Variants in PRKCA observed in about 807,000 individuals in gnomAD.
PRKCA encodes the protein protein kinase C alpha type.
PRKCA carries 27 observed loss-of-function variants against 87.0 expected under a neutral mutation model. The observed-to-expected ratio is 0.31, with a 90% CI of 0.23 to 0.43. The LOEUF (loss-of-function observed/expected upper bound fraction) is 0.43, where lower values mean the gene tolerates loss of function less well. PRKCA is among the 20% of genes least tolerant of loss of function. The probability of loss-of-function intolerance (pLI) is 1.00; values close to 1 mark genes in which losing one functional copy is unlikely to be tolerated. For synonymous variants in PRKCA, 329 were observed against 311.1 expected, an observed-to-expected ratio of 1.06 and a Z score of -0.61; for missense variants, 518 against 852.3, an observed-to-expected ratio of 0.61 and a Z score of 4.88.
At chr17:66,768,630 AC>A (rs1022239242) in intron 13 of PRKCA, among the ~76,000 whole-genome samples, 2 of 152,342 alleles carry the variant, frequency 1.3e-5, no homozygotes, top group African/African-American at 4.8e-5. Flanking sequence ...AGCATGTCTT[AC>A]CATGGCGGAG....
intron 2 of PRKCA, among the ~76,000 whole-genome samples, chr17:66,449,533 A>G (rs1412685221): frequency 6.6e-6 from 1 of 152,134 alleles, no homozygotes; most frequent in Non-Finnish European, 1.5e-5. Flanking sequence ...TCCTCTCCCC[A>G]GATAGCTCAT....
chr17:66,701,361 TGGG>T, intron 8 of PRKCA, among the ~76,000 whole-genome samples: 1 of 152,048 alleles, frequency 6.6e-6, no homozygotes, highest in African/African-American at 2.4e-5. Context: ...AAAACATACT[TGGG>T]GGGAAAGCTT....
rs142713274 is a variant in PRKCA, at chr17:66,541,941, G to A, written c.288+45658G>A. On this transcript the variant is annotated intron_variant, in intron 3 of 16. Transcript: ENST00000413366. Reference sequence around the variant, plus strand: ...TGAGCCCCACAGTAAATTTTTGGCTGACCACATTTGTTCTATGTAAGGCTG... The same window carrying A: ...TGAGCCCCACAGTAAATTTTTGGCTAACCACATTTGTTCTATGTAAGGCTG... Among the ~76,000 whole-genome samples the A allele has an allele frequency of 6.6e-3, 1,003 of 152,282 alleles. 15 individuals are homozygous for A. Among genetic ancestry groups the A allele is most frequent in the African/African-American group, 0.021 (858 of 41,566 alleles).
intron 2 of PRKCA, among the ~76,000 whole-genome samples, chr17:66,352,558 G>GTTTTTTTTTTTTTTTTTTTT (rs56317931): frequency 2.4e-5 from 2 of 83,758 alleles, no homozygotes; most frequent in African/African-American, 4.6e-5. Context: ...GTTTTTTGAG[G>GTTTTTTTTTTTTTTTTTTTT]TTTTTTTTTT....
chr17:66,616,382 C>T (rs1435513584), intron 3 of PRKCA, among the ~76,000 whole-genome samples: 2 of 152,186 alleles, frequency 1.3e-5, no homozygotes, highest in African/African-American at 4.8e-5. Context: ...TCTTTGAGCT[C>T]ATCTTTCCTC....
At position 66,494,822 on chromosome 17, in the gene PRKCA, A is replaced by T. The variant is rs4791058; in HGVS notation, c.206-1379A>T. Among the ~76,000 whole-genome samples, 7 of 152,044 alleles carry T rather than the reference A, an allele frequency of 4.6e-5. No individual in the cohort carries two copies. The East Asian group carries it at 7.7e-4, about 17-fold the overall frequency. On this transcript the variant is annotated intron_variant, in intron 2 of 16. Transcript: ENST00000413366. ...CCATCAATACAAACCTTTCAGGGGGACATGTGCAGTAGCTCAACGCCTACA... is the reference window on the plus strand; with the variant it reads ...CCATCAATACAAACCTTTCAGGGGGTCATGTGCAGTAGCTCAACGCCTACA...
At chr17:66,755,305 T>G (rs1244703797) in intron 13 of PRKCA, among the ~76,000 whole-genome samples, 1 of 152,146 alleles carries the variant, frequency 6.6e-6, no homozygotes, top group Admixed American at 6.5e-5. Flanking sequence ...GAGAACACCT[T>G]TCTGCCAGAT....
intron 2 of PRKCA, among the ~76,000 whole-genome samples, chr17:66,457,302 G>T (rs1348755353): frequency 6.6e-6 from 1 of 152,114 alleles, no homozygotes; most frequent in African/African-American, 2.4e-5. Flanking sequence ...CTTGGCATTT[G>T]GGGTGAAGAG....
rs1229084236 is a variant in PRKCA, at chr17:66,377,721, A to ATTTT, written c.205+71612_205+71615dup. ...ATGTTTTATATATATATATATATAT[A>ATTTT]TTTTTTTTTTTTTTTTTTTTTGAGG... On this transcript the variant is annotated intron_variant, in intron 2 of 16. Transcript: ENST00000413366. Among the ~76,000 whole-genome samples, 284 of 69,140 alleles carry ATTTT rather than the reference A, an allele frequency of 4.1e-3. 24 individuals carry two copies. Among genetic ancestry groups the ATTTT allele is most frequent in the East Asian group, 0.015 (30 of 2,068 alleles). 45.4% of individuals were successfully genotyped at this position (69,140 alleles called of 152,430 possible).
rs1971970749 is a variant in PRKCA at position 66,663,820 on chromosome 17, T to G, written c.529+18309T>G. On this transcript the variant is annotated intron_variant, in intron 5 of 16. Coordinates refer to ENST00000413366, the MANE Select transcript of PRKCA (RefSeq NM_002737.3). ...ACTGATCACTGTGTTGTGGTAGCTC[T>G]TTCTCTTTGGAGTGTTTTTTGTTGT... Among the ~76,000 whole-genome samples, 5 of 152,096 alleles carry G rather than the reference T, an allele frequency of 3.3e-5. No homozygotes were observed. In the South Asian group the frequency reaches 1.0e-3, roughly 32 times the overall value.
chr17:66,690,852 A>T (rs937272444), intron 8 of PRKCA, among the ~76,000 whole-genome samples: 3 of 132,492 alleles, frequency 2.3e-5, no homozygotes, highest in Non-Finnish European at 4.9e-5. Context: ...AAAAAAAAAA[A>T]TTTAGAGCTG....
intron 2 of PRKCA, among the ~76,000 whole-genome samples, chr17:66,353,111 A>G (rs375562092): frequency 2.0e-5 from 3 of 152,218 alleles, no homozygotes; most frequent in East Asian, 3.9e-4. Context: ...GAGATCTACT[A>G]CACAGCTGGG....
intron 2 of PRKCA, among the ~76,000 whole-genome samples, chr17:66,490,345 C>CTT (rs566074276): frequency 1.4e-4 from 19 of 140,296 alleles, no homozygotes; most frequent in East Asian, 1.0e-3. Context: ...TTCCAGAACT[C>CTT]TTTTTTTTTT....
chr17:66,463,652 C>T (rs1253710457), intron 2 of PRKCA, among the ~76,000 whole-genome samples: 3 of 152,182 alleles, frequency 2.0e-5, no homozygotes, highest in Non-Finnish European at 4.4e-5. Flanking sequence ...GCCTTGGCCT[C>T]CCAAAGTGCT....
intron 3 of PRKCA, among the ~76,000 whole-genome samples, chr17:66,566,976 G>GATA (rs1968924504): frequency 6.6e-6 from 1 of 152,156 alleles, no homozygotes; most frequent in Non-Finnish European, 1.5e-5. Context: ...TTATCCCATA[G>GATA]ATAACTAAAC....
intron 5 of PRKCA, among the ~76,000 whole-genome samples, chr17:66,673,899 C>A (rs541317350): frequency 5.9e-5 from 9 of 152,334 alleles, no homozygotes; most frequent in African/African-American, 2.2e-4. Context: ...ATTCTTTCTT[C>A]AAAGCATTTA....
At chr17:66,306,907 A>G (rs1456398757) in intron 2 of PRKCA, among the ~76,000 whole-genome samples, 1 of 152,010 alleles carries the variant, frequency 6.6e-6, no homozygotes, top group Non-Finnish European at 1.5e-5. Context: ...TATTGTGTTT[A>G]TTTAGTTCTG....
chr17:66,556,516 G>A (rs898084223), intron 3 of PRKCA, among the ~76,000 whole-genome samples: 3 of 152,040 alleles, frequency 2.0e-5, no homozygotes, highest in African/African-American at 7.2e-5. Flanking sequence ...TTCATGAGAT[G>A]TTTGAAAGGC....
chr17:66,792,669 T>C lies in PRKCA; in HGVS notation c.1854+3690T>C, dbSNP rs961875775. ...TCACGGCGACATTAAGATCAAGATC[T>C]GCAGTACAGCTGTGGGCTGGATTCT... On this transcript the variant is annotated intron_variant, in intron 16 of 16. Coordinates refer to ENST00000413366, the MANE Select transcript of PRKCA (RefSeq NM_002737.3). The surrounding 1 kb of genome is among the most constrained non-coding windows in gnomAD (Gnocchi z 4.5). 2.0e-5 allele frequency among the ~76,000 whole-genome samples: 3 copies of C among 152,380 alleles called. No homozygotes were observed. Among genetic ancestry groups the C allele is most frequent in the African/African-American group, 7.2e-5 (3 of 41,590 alleles).
Sources: allele counts gnomAD v4.1 joint callset (sites outside exome capture counted in the v4.1 genomes callset), GRCh38; gene constraint gnomAD v4.1.1; non-coding constraint Gnocchi (gnomAD v3.1); transcripts MANE v1.5; gene names NCBI Gene and HGNC (gene_info 2026-07-23, HGNC 2026-07-21).